Variants in SAMMSON observed in about 807,000 individuals in gnomAD.
The protein encoded by SAMMSON is survival associated mitochondrial melanoma specific oncogenic non-coding RNA.
rs1286373973 is a variant in SAMMSON at position 70,064,720 on chromosome 3, A to G, written n.418-6756A>G. ...AAGGCACAAAACATGCCAAGAAGTC[A>G]TGGCGCGTCTTTGCTATTGGATGAG... On this transcript the variant is annotated intron_variant and non_coding_transcript_variant, in intron 3 of 9. Coordinates refer to ENST00000642114, the Ensembl canonical transcript of SAMMSON. Among the ~76,000 whole-genome samples, 4 of 152,222 alleles carry G rather than the reference A, an allele frequency of 2.6e-5. No homozygotes were observed. In the East Asian group the frequency reaches 7.7e-4, roughly 29 times the overall value.
intron 4 of SAMMSON, among the ~76,000 whole-genome samples, chr3:70,148,308 C>T (rs1023456162): frequency 6.6e-6 from 1 of 152,046 alleles, no homozygotes; most frequent in Admixed American, 6.6e-5. Context: ...AAAACAAGTT[C>T]ACACAAGAAA....
intron 4 of SAMMSON, among the ~76,000 whole-genome samples, chr3:70,115,641 T>A (rs1351629576): frequency 6.6e-6 from 1 of 152,140 alleles, no homozygotes; most frequent in Non-Finnish European, 1.5e-5. Context: ...TAAAGTGGAA[T>A]GAGGGACATC....
chr3:70,004,895 C>T (rs560420791), intron 1 of SAMMSON, among the ~76,000 whole-genome samples: 13 of 152,282 alleles, frequency 8.5e-5, no homozygotes, highest in African/African-American at 2.4e-4. Flanking sequence ...GCTTTAAATC[C>T]TAGGCCAAAT....
chr3:70,023,794 A>G (rs2067025585), intron 3 of SAMMSON, among the ~76,000 whole-genome samples: 1 of 152,206 alleles, frequency 6.6e-6, no homozygotes, highest in African/African-American at 2.4e-5. Context: ...TATGTATTCC[A>G]ATAAAACTTT....
intron 4 of SAMMSON, among the ~76,000 whole-genome samples, chr3:70,177,031 C>T (rs910810768): frequency 6.6e-6 from 1 of 152,032 alleles, no homozygotes; most frequent in African/African-American, 2.4e-5. Flanking sequence ...TGCATTAAGG[C>T]GTTGGTATAT....
chr3:70,405,055 T>C (rs910056632), intron 2 of SAMMSON, among the ~76,000 whole-genome samples: 13 of 152,210 alleles, frequency 8.5e-5, no homozygotes, highest in African/African-American at 3.1e-4. Flanking sequence ...AACTACCTGA[T>C]GGCTAAAAGT....
intron 4 of SAMMSON, among the ~76,000 whole-genome samples, chr3:70,192,027 G>A (rs1701134455): frequency 6.6e-6 from 1 of 151,818 alleles, no homozygotes; most frequent in Non-Finnish European, 1.5e-5. Flanking sequence ...TAAAAATTAT[G>A]TAGAGAACAC....
chr3:70,132,984 A>G (rs557428877), intron 4 of SAMMSON, among the ~76,000 whole-genome samples: 1 of 152,224 alleles, frequency 6.6e-6, no homozygotes, highest in Non-Finnish European at 1.5e-5. Context: ...TGAATAAATG[A>G]GAGAAACAAG....
intron 3 of SAMMSON, among the ~76,000 whole-genome samples, chr3:70,048,730 C>G (rs1238047515): frequency 6.6e-6 from 1 of 152,088 alleles, no homozygotes; most frequent in Non-Finnish European, 1.5e-5. Context: ...AGACACTATT[C>G]TAATCACTAT....
At chr3:70,172,875 A>G (rs939208047) in intron 4 of SAMMSON, 2 of 152,038 alleles carry the variant, frequency 1.3e-5, no homozygotes, top group Non-Finnish European at 2.9e-5. Flanking sequence ...TACATGTTCC[A>G]TAATAGTTAT....
intron 6 of SAMMSON, among the ~76,000 whole-genome samples, chr3:70,267,101 G>A (rs1701922886): frequency 6.6e-6 from 1 of 152,136 alleles, no homozygotes; most frequent in Admixed American, 6.5e-5. Context: ...ATTGCTAGCT[G>A]GGGAGGGGGT....
chr3:70,320,573 A>G (rs1264248302), intron 7 of SAMMSON, among the ~76,000 whole-genome samples: 5 of 152,096 alleles, frequency 3.3e-5, no homozygotes, highest in African/African-American at 1.2e-4. Flanking sequence ...GACCTGCATT[A>G]TGAGCTTGCC....
At chr3:70,016,546 C>T (rs959846167) in intron 3 of SAMMSON, among the ~76,000 whole-genome samples, 3 of 152,026 alleles carry the variant, frequency 2.0e-5, no homozygotes, top group African/African-American at 7.3e-5. Context: ...TGCCTGTTCA[C>T]TCTGATGGTA....
At position 70,049,674 on chromosome 3, in the gene SAMMSON, CATT is replaced by C. The variant is rs1344825969; in HGVS notation, n.418-21799_418-21797del. 2.0e-5 allele frequency among the ~76,000 whole-genome samples: 3 copies of C among 152,094 alleles called. No homozygotes were observed. In the South Asian group the frequency reaches 6.2e-4, roughly 32 times the overall value. On this transcript the variant is annotated intron_variant and non_coding_transcript_variant, in intron 3 of 9. Transcript: ENST00000642114. Reference sequence around the variant, plus strand: ...GCATCATCATCACCATCATCATCATCATTATCATTATAATTCTTTTAGAAATAA... The same window carrying C: ...GCATCATCATCACCATCATCATCATCATCATTATAATTCTTTTAGAAATAA...
intron 3 of SAMMSON, among the ~76,000 whole-genome samples, chr3:70,043,963 T>C (rs2067114809): frequency 6.6e-6 from 1 of 152,090 alleles, no homozygotes; most frequent in Non-Finnish European, 1.5e-5. Flanking sequence ...AATTACTCTT[T>C]TTTAGGTATT....
At chr3:70,138,167 G>A (rs1212698593) in intron 4 of SAMMSON, among the ~76,000 whole-genome samples, 1 of 152,138 alleles carries the variant, frequency 6.6e-6, no homozygotes, top group East Asian at 1.9e-4. Context: ...AGTTTTTTGT[G>A]TTCTTTATAG....
At chr3:70,294,687 T>C (rs62256523) in intron 7 of SAMMSON, among the ~76,000 whole-genome samples, 15,010 of 152,140 alleles carry the variant, frequency 0.099, 972 homozygotes, top group Non-Finnish European at 0.15. Flanking sequence ...TATATCCATT[T>C]TAAAGGTAGA....
chr3:70,210,565 A>C (rs1018355822), intron 4 of SAMMSON, among the ~76,000 whole-genome samples: 2 of 152,120 alleles, frequency 1.3e-5, no homozygotes, highest in South Asian at 2.1e-4. Context: ...ATTGCACCCA[A>C]AGTACTGTAA....
chr3:70,128,754 CT>C (rs1234426416), intron 4 of SAMMSON, among the ~76,000 whole-genome samples: 1 of 152,150 alleles, frequency 6.6e-6, no homozygotes, highest in Non-Finnish European at 1.5e-5. Context: ...ACAAGGAATT[CT>C]TTTCAATTAG....
Sources: gnomAD v4.1 joint callset for allele counts (sites outside exome capture counted in the v4.1 genomes callset) on GRCh38, gnomAD v4.1.1 for gene constraint, MANE v1.5 for transcripts, NCBI Gene and HGNC (gene_info 2026-07-23, HGNC 2026-07-21) for gene names.